APOO: variants seen among roughly 807,000 people sequenced by gnomAD.
APOO encodes the protein MICOS complex subunit MIC26.
APOO carries 11 observed loss-of-function variants against 23.1 expected under a neutral mutation model. The observed-to-expected ratio is 0.48, with a 90% CI of 0.30 to 0.79. APOO has a LOEUF of 0.79. Ranked by LOEUF, APOO falls within the 30% of genes least tolerant of loss-of-function variation. The pLI is 0.07. For missense variants in APOO, 160 were observed against 142.7 expected (o/e 1.12, Z -0.62); for synonymous variants, 59 against 54.8 (o/e 1.08, Z -0.34).
At chrX:23,858,402 C>T (rs753923046) in intron 6 of APOO, among the ~76,000 whole-genome samples, 65 of 111,909 alleles carry the variant, frequency 5.8e-4, no homozygotes, top group Non-Finnish European at 1.0e-3. Context: ...TGCTGATGAA[C>T]ATTCAAACAA....
intron 5 of APOO, among the ~76,000 whole-genome samples, chrX:23,866,645 T>C (rs1925348726): frequency 9.0e-6 from 1 of 110,730 alleles, no homozygotes; most frequent in Admixed American, 9.7e-5. Flanking sequence ...AAAAATTACC[T>C]GGGCATGGTG....
Position 23,876,259 on chromosome X carries a change from T to C in APOO, c.238-1802A>G, listed in dbSNP as rs1925843557. Among the ~76,000 whole-genome samples, 4 of 107,101 alleles carry C rather than the reference T, an allele frequency of 3.7e-5. No individual in the cohort carries two copies. The South Asian group carries it at 1.6e-3, about 44-fold the overall frequency. 93.0% of individuals were successfully genotyped at this position (107,101 alleles called of 115,157 possible). A position where few individuals can be genotyped will look rare whatever the true frequency, so the allele number is the denominator to read the frequency against. ...GCCTGGGGGACAGAGCGAGACTCCGTCTCAAAAAAATAAAAAAAATAAAAA... is the reference window on the plus strand; with the variant it reads ...GCCTGGGGGACAGAGCGAGACTCCGCCTCAAAAAAATAAAAAAAATAAAAA... On this transcript the variant is annotated intron_variant, in intron 3 of 8. Coordinates refer to ENST00000379226, the MANE Select transcript of APOO (RefSeq NM_024122.5).
intron 1 of APOO, among the ~76,000 whole-genome samples, chrX:23,905,402 A>C (rs1349903873): frequency 1.8e-5 from 2 of 109,622 alleles, no homozygotes; most frequent in Non-Finnish European, 1.9e-5. Context: ...AAAAATAATA[A>C]TGATAACAAT....
At position 23,850,414 on chromosome X, in the gene APOO, C is replaced by T. The variant is rs140626859; in HGVS notation, c.561+5888G>A. The stretch of plus-strand genomic sequence containing the variant: ...TCTAGTAAAACTGAAGATATGCAGA[C>T]CCTATGAATCAGGAACCCTGGTCTA... On this transcript the variant is annotated intron_variant, in intron 7 of 8. Transcript: ENST00000379226. 4.1e-3 allele frequency among the ~76,000 whole-genome samples: 460 copies of T among 112,008 alleles called. 1 individual carries two copies. The highest frequency in any genetic ancestry group is 0.014 in the African/African-American group (433 of 30,911).
chrX:23,907,927 G>A lies in APOO; in HGVS notation c.-225C>T, dbSNP rs1027682505. 3 of 374,425 alleles carry A rather than the reference G, an allele frequency of 8.0e-6. No homozygotes were observed. Among genetic ancestry groups the A allele is most frequent in the Middle Eastern group, 7.5e-4 (1 of 1,333 alleles). 30.9% of individuals were successfully genotyped at this position (374,425 alleles called of 1,213,427 possible). ...GCAGCGCGTCGCGCCCGGGCAGCGG[G>A]TGAACGCAAACCCCGCCCTCCAGGA... On this transcript the variant is annotated 5_prime_UTR_variant, in exon 1 of 9. Transcript: ENST00000379226.
At chrX:23,881,069 ATTTTT>A (rs1926101660) in intron 1 of APOO, 117 bp from the exon 2 acceptor site, 4 of 337,801 alleles carry the variant, frequency 1.2e-5, no homozygotes, top group Non-Finnish European at 9.8e-6. Flanking sequence ...GCTTTATTTT[ATTTTT>A]ATTTATTTTT....
chrX:23,838,301 T>C (rs1432981849), intron 8 of APOO, among the ~76,000 whole-genome samples: 1 of 77,382 alleles, frequency 1.3e-5, no homozygotes, highest in Non-Finnish European at 2.2e-5. Flanking sequence ...GAGGCTGCAG[T>C]GAGCAAGATT....
chrX:23,868,646 G>C lies in APOO; in HGVS notation c.335C>G (p.Pro112Arg). The change falls in exon 5 of 9, where the codon CCG (proline) becomes CGG (arginine). Residue 112 changes from proline to arginine, a missense_variant. Pro to Arg is a moderately radical substitution (Grantham distance 103). Transcript: ENST00000379226. ...AGCAAAACCAATAACACCAAGTCTC[G>C]GAAAAAATCCAGGAGGTGCATTTTG... ...YLQNAPPGFF[P>R]RLGVIGFAGL... 1 of 1,208,459 alleles carries C rather than the reference G, an allele frequency of 8.3e-7. No individual in the cohort carries two copies. Among genetic ancestry groups the C allele is most frequent in the Non-Finnish European group, 1.1e-6 (1 of 894,372 alleles).
chrX:23,853,854 G>A (rs183854184), intron 7 of APOO, among the ~76,000 whole-genome samples: 2 of 108,803 alleles, frequency 1.8e-5, no homozygotes, highest in African/African-American at 6.7e-5. Flanking sequence ...AGCTGGTCTC[G>A]AACACCTAGG....
chrX:23,841,073 A>C (rs1324630269), intron 7 of APOO, among the ~76,000 whole-genome samples: 1 of 112,304 alleles, frequency 8.9e-6, no homozygotes, highest in East Asian at 2.8e-4. Context: ...GTCAGAGATC[A>C]GATGGCAGTC....
Position 23,836,610 on chromosome X carries a change from GC to G in APOO, c.*30-2999del. On this transcript the variant is annotated intron_variant, in intron 8 of 8. Coordinates refer to ENST00000379226, the MANE Select transcript of APOO (RefSeq NM_024122.5). The stretch of plus-strand genomic sequence containing the variant: ...CCACAGGCGTGAGCCACCACGCCCA[GC>G]CCCAGCCTAATTTCTTTTTTTTTTT... 3 of 717,095 alleles carry G rather than the reference GC, an allele frequency of 4.2e-6. No individual in the cohort carries two copies. The South Asian group carries it at 8.9e-5, about 21-fold the overall frequency. The allele number at this position is 717,095 out of a possible 1,213,427, so 59.1% of individuals were successfully genotyped here.
chrX:23,894,838 T>G (rs917594051), intron 1 of APOO, among the ~76,000 whole-genome samples: 3 of 108,828 alleles, frequency 2.8e-5, no homozygotes, highest in African/African-American at 1.0e-4. Flanking sequence ...ATATTTTAAA[T>G]AAGAGTGGTA....
intron 8 of APOO, among the ~76,000 whole-genome samples, chrX:23,838,736 A>G (rs1923836050): frequency 9.0e-6 from 1 of 111,643 alleles, no homozygotes; most frequent in South Asian, 3.7e-4. Context: ...CTTTTAAAAC[A>G]GTTAGCTAAA....
intron 3 of APOO, among the ~76,000 whole-genome samples, chrX:23,877,469 G>A (rs185853177): frequency 8.9e-6 from 1 of 112,093 alleles, no homozygotes; most frequent in East Asian, 2.8e-4. Context: ...TTTTAAACAA[G>A]CTCTGGATCA....
intron 1 of APOO, among the ~76,000 whole-genome samples, chrX:23,889,895 T>C (rs1351126421): frequency 9.1e-6 from 1 of 109,976 alleles, no homozygotes; most frequent in African/African-American, 3.3e-5. Flanking sequence ...TCTTCTGACC[T>C]CGTGATCCGC....
At chrX:23,867,138 C>T (rs1046681584) in intron 5 of APOO, among the ~76,000 whole-genome samples, 4 of 110,511 alleles carry the variant, frequency 3.6e-5, no homozygotes, top group South Asian at 4.0e-4. Context: ...CGAAACGAAA[C>T]GAAACGAAAC....
At chrX:23,898,532 C>A (rs1470857272) in intron 1 of APOO, among the ~76,000 whole-genome samples, 1 of 111,103 alleles carries the variant, frequency 9.0e-6, no homozygotes, top group Admixed American at 9.6e-5. Flanking sequence ...AACTGTAAGC[C>A]TTTTTTGGAA....
At chrX:23,881,003 C>T (rs756224675) in intron 1 of APOO, 51 bp from the exon 2 acceptor site, 16 of 880,278 alleles carry the variant, frequency 1.8e-5, no homozygotes, top group Non-Finnish European at 2.5e-5. Flanking sequence ...ACCGAATGTG[C>T]AGAACATGAG....
chrX:23,881,124 C>T (rs778762563), intron 1 of APOO, among the ~76,000 whole-genome samples, 172 bp from the exon 2 acceptor site: 10 of 110,497 alleles, frequency 9.1e-5, no homozygotes, highest in Non-Finnish European at 1.7e-4. Flanking sequence ...ACCCAGGCTG[C>T]GGTGTAGTGG....
Sources: gnomAD v4.1 joint callset for allele counts (sites outside exome capture counted in the v4.1 genomes callset) on GRCh38, gnomAD v4.1.1 for gene constraint, MANE v1.5 for transcripts, NCBI Gene and HGNC (gene_info 2026-07-23, HGNC 2026-07-21) for gene names.